ZNF624: variants seen among roughly 807,000 people sequenced by gnomAD.
The protein encoded by ZNF624 is zinc finger protein 624.
In ZNF624, 43 loss-of-function variants were observed where a neutral mutation model predicts 74.7. The observed-to-expected ratio is 0.58, with a 90% confidence interval of 0.45 to 0.74. The LOEUF is 0.74. Among genes scored for constraint, ZNF624 ranks in the 30% least tolerant of loss-of-function variants. ZNF624 has a pLI of 0.00. For synonymous variants in ZNF624, 331 were observed against 341.3 expected (o/e 0.97, Z 0.33); for missense variants, 820 against 1,030.0 (o/e 0.80, Z 2.79).
downstream of ZNF624, among the ~76,000 whole-genome samples, chr17:16,620,217 G>A (rs919221424): frequency 6.6e-6 from 1 of 152,144 alleles, no homozygotes; most frequent in Admixed American, 6.5e-5. Context: ...AGGGCCTTCT[G>A]GTATCAGGGA....
chr17:16,615,956 C>CATACATATATATATATATAT (rs58603208), downstream of ZNF624, among the ~76,000 whole-genome samples: 2 of 90,310 alleles, frequency 2.2e-5, no homozygotes, highest in African/African-American at 7.5e-5. Context: ...ATTCCATATA[C>CATACATATATATATATATAT]ATATATATAT....
Position 16,622,888 on chromosome 17 carries a change from T to G in ZNF624, c.1998A>C (p.Lys666Asn). ...IVHQRTHTGE[K>N]PYKCNECEKA... Reference sequence around the variant, plus strand: ...TCTCACATTCATTACATTTATATGGTTTTTCTCCAGTATGGGTCCTCTGAT... The same window carrying G: ...TCTCACATTCATTACATTTATATGGGTTTTCTCCAGTATGGGTCCTCTGAT... The change falls in exon 6 of 6, where the codon AAA (lysine) becomes AAC (asparagine). Residue 666 changes from lysine to asparagine, a missense_variant. By Grantham distance (94) the Lys-to-Asn change is moderately conservative. Coordinates refer to ENST00000311331, the MANE Select transcript of ZNF624 (RefSeq NM_020787.4). The G allele has an allele frequency of 6.2e-7, 1 of 1,613,970 alleles. No individual in the cohort carries two copies. Among genetic ancestry groups the G allele is most frequent in the Non-Finnish European group, 8.5e-7 (1 of 1,179,930 alleles).
chr17:16,645,060 T>C (rs900625039), intron 3 of ZNF624, among the ~76,000 whole-genome samples: 2 of 152,238 alleles, frequency 1.3e-5, no homozygotes, highest in African/African-American at 4.8e-5. Context: ...GTATTGACTC[T>C]TTTATACAGA....
downstream of ZNF624, among the ~76,000 whole-genome samples, chr17:16,615,860 G>A (rs1370872766): frequency 1.3e-5 from 2 of 150,808 alleles, no homozygotes; most frequent in Non-Finnish European, 3.0e-5. Context: ...GACATACTGT[G>A]TACACAGAAA....
intron 3 of ZNF624, among the ~76,000 whole-genome samples, chr17:16,636,835 C>CAA (rs371820225): frequency 0.095 from 11,916 of 125,324 alleles, 559 homozygotes; most frequent in Middle Eastern, 0.15. Context: ...GACTCCGTCT[C>CAA]AAAAAAAAAA....
chr17:16,653,399 G>A (rs72835922), intron 1 of ZNF624, among the ~76,000 whole-genome samples: 1,652 of 152,360 alleles, frequency 0.011, 14 homozygotes, highest in Non-Finnish European at 0.018. Flanking sequence ...GGCCTGCAAG[G>A]CGCGGGGCTG....
chr17:16,623,861 A>G lies in ZNF624; in HGVS notation c.1025T>C (p.Ile342Thr). 6.2e-7 allele frequency: 1 copy of G among 1,613,888 alleles called. No homozygotes were observed. The highest frequency in any genetic ancestry group is 8.5e-7 in the Non-Finnish European group (1 of 1,179,964). ...YKCNECGKAF[I>T]ASSSLMVHQR... Reference sequence around the variant, plus strand: ...ATGTACCATAAGTGATGAAGAAGCAATGAAGGCCTTTCCACATTCATTACA... The same window carrying G: ...ATGTACCATAAGTGATGAAGAAGCAGTGAAGGCCTTTCCACATTCATTACA... The change falls in exon 6 of 6, where the codon ATT (isoleucine) becomes ACT (threonine). Residue 342 changes from isoleucine to threonine, a missense_variant. Physicochemically the swap from Ile to Thr is moderately conservative, Grantham distance 89 (BLOSUM62 -1). Transcript: ENST00000311331. This position sits in a 1 kb window ranked among gnomAD's most constrained non-coding sequence, Gnocchi z 5.3.
intron 3 of ZNF624, among the ~76,000 whole-genome samples, chr17:16,643,868 T>A (rs1391651713): frequency 6.6e-6 from 1 of 152,208 alleles, no homozygotes; most frequent in African/African-American, 2.4e-5. Flanking sequence ...ACAGTTTGGA[T>A]GCCTTCCCCC....
chr17:16,645,232 G>A (rs1909559528), intron 3 of ZNF624, among the ~76,000 whole-genome samples: 1 of 152,132 alleles, frequency 6.6e-6, no homozygotes, highest in Admixed American at 6.5e-5. Context: ...TTGAGTTCAG[G>A]AGTTGAAGAC....
chr17:16,639,273 A>G (rs1909412050), intron 3 of ZNF624, among the ~76,000 whole-genome samples: 2 of 152,184 alleles, frequency 1.3e-5, no homozygotes, highest in Non-Finnish European at 2.9e-5. Flanking sequence ...TACCATTTAG[A>G]TATGTATGCT....
chr17:16,614,480 CAA>C, the ZNF624 span, among the ~76,000 whole-genome samples: 2 of 152,100 alleles, frequency 1.3e-5, no homozygotes, highest in African/African-American at 4.8e-5. Flanking sequence ...AAAATGTACA[CAA>C]GAGATATAAA....
intron 3 of ZNF624, among the ~76,000 whole-genome samples, chr17:16,639,026 G>A (rs1175499041): frequency 6.6e-6 from 1 of 152,164 alleles, no homozygotes; most frequent in Non-Finnish European, 1.5e-5. Context: ...TAAGGAAAGT[G>A]AGGCACAGAG....
At chr17:16,616,779 C>T (rs1320921714), downstream of ZNF624, 9 of 853,010 alleles carry the variant, frequency 1.1e-5, no homozygotes, top group Non-Finnish European at 1.1e-5. Context: ...CAAGTATAAA[C>T]ATGGAAGAGT....
At chr17:16,614,995 G>T in the ZNF624 span, among the ~76,000 whole-genome samples, 1 of 152,174 alleles carries the variant, frequency 6.6e-6, no homozygotes, top group Admixed American at 6.5e-5. Context: ...AGGTTATCTA[G>T]ATCAGTCAAA....
intron 3 of ZNF624, 121 bp downstream of exon 3, chr17:16,647,208 G>T: frequency 1.1e-6 from 1 of 886,354 alleles, no homozygotes; most frequent in East Asian, 2.5e-5. Flanking sequence ...ACCAGCCCTG[G>T]GGCTACCACA....
intron 3 of ZNF624, among the ~76,000 whole-genome samples, chr17:16,639,167 G>A (rs143841420): frequency 6.6e-6 from 1 of 152,242 alleles, no homozygotes; most frequent in African/African-American, 2.4e-5. Context: ...TAAGAGCCCT[G>A]ATTAGCTGAC....
chr17:16,648,819 C>T (rs1909653380), intron 2 of ZNF624, among the ~76,000 whole-genome samples: 1 of 152,174 alleles, frequency 6.6e-6, no homozygotes, highest in East Asian at 1.9e-4. Flanking sequence ...AAATATCTAA[C>T]TTCCAGCCCT....
chr17:16,622,989 T>C lies in ZNF624; in HGVS notation c.1897A>G (p.Ile633Val), dbSNP rs770171348. ...KMVNLKEHQK[I>V]HTGVKPYKCY... ...TTATAGGGTTTCACTCCAGTATGAA[T>C]TTTCTGATGCTCCTTGAGATTTACC... The change falls in exon 6 of 6, where the codon ATT (isoleucine) becomes GTT (valine). Residue 633 changes from isoleucine (I) to valine (V), a missense_variant. Coordinates refer to ENST00000311331, the MANE Select transcript of ZNF624 (RefSeq NM_020787.4). 6.2e-7 allele frequency: 1 copy of C among 1,614,012 alleles called. No individual in the cohort carries two copies. The highest frequency in any genetic ancestry group is 2.2e-5 in the East Asian group (1 of 44,878).
At chr17:16,649,620 C>G in intron 2 of ZNF624, 38 bp downstream of exon 2, 1 of 1,590,048 alleles carries the variant, frequency 6.3e-7, no homozygotes, top group Non-Finnish European at 8.6e-7. Context: ...TGCTCTCAAA[C>G]CAAGATAGTA....
Sources: gnomAD v4.1 joint callset for allele counts (sites outside exome capture counted in the v4.1 genomes callset) on GRCh38, gnomAD v4.1.1 for gene constraint, Gnocchi (gnomAD v3.1) non-coding constraint, MANE v1.5 for transcripts, NCBI Gene and HGNC (gene_info 2026-07-23, HGNC 2026-07-21) for gene names.